ZSCAN25: variants seen among roughly 807,000 people sequenced by gnomAD.
ZSCAN25 encodes the protein zinc finger and SCAN domain containing 25.
In ZSCAN25, 27 loss-of-function variants were observed where a neutral mutation model predicts 38.7. The observed-to-expected ratio is 0.70, with a 90% CI of 0.51 to 0.96. The LOEUF (loss-of-function observed/expected upper bound fraction) is 0.96, where lower values mean the gene tolerates loss of function less well. Ranked by LOEUF, ZSCAN25 falls within the 40% of genes least tolerant of loss-of-function variation. The pLI is 0.00. For missense variants in ZSCAN25, 637 were observed against 705.9 expected (o/e 0.90, Z 1.11); for synonymous variants, 273 against 277.7 (o/e 0.98, Z 0.17).
the ZSCAN25 span, among the ~76,000 whole-genome samples, chr7:99,678,777 G>A: frequency 4.6e-5 from 7 of 152,232 alleles, no homozygotes; most frequent in Non-Finnish European, 8.8e-5. Flanking sequence ...TTCTGTGAAA[G>A]AATTAAAATG....
the ZSCAN25 span, chr7:99,677,166 T>G: frequency 3.0e-6 from 3 of 985,428 alleles, no homozygotes; most frequent in African/African-American, 1.7e-5. Flanking sequence ...ATGAGTCATG[T>G]GCAAACTCCT....
At chr7:99,622,409 A>T in intron 5 of ZSCAN25, 140 bp from the exon 6 acceptor site, 2 of 802,322 alleles carry the variant, frequency 2.5e-6, no homozygotes, top group Non-Finnish European at 4.3e-6. Context: ...AAAGTGTGGT[A>T]CCAGAGTGAA....
the ZSCAN25 span, among the ~76,000 whole-genome samples, chr7:99,684,638 C>T: frequency 6.6e-6 from 1 of 152,120 alleles, no homozygotes; most frequent in African/African-American, 2.4e-5. Context: ...TCATTCAGTT[C>T]TATAGATTTC....
chr7:99,705,567 A>C, the ZSCAN25 span: 14 of 1,613,724 alleles, frequency 8.7e-6, no homozygotes, highest in Non-Finnish European at 1.2e-5. Flanking sequence ...TGTTAGAAGA[A>C]GTCCTCCAAA....
chr7:99,736,267 A>G, the ZSCAN25 span, among the ~76,000 whole-genome samples: 1 of 152,194 alleles, frequency 6.6e-6, no homozygotes, highest in African/African-American at 2.4e-5. Context: ...GACCCAAACC[A>G]CCTCAGCCAG....
At chr7:99,710,710 T>C in the ZSCAN25 span, 1 of 1,613,710 alleles carries the variant, frequency 6.2e-7, no homozygotes, top group Non-Finnish European at 8.5e-7. Flanking sequence ...CCTCCCTCCT[T>C]CTCCATGTAC....
chr7:99,716,043 C>G, the ZSCAN25 span: 1 of 1,538,436 alleles, frequency 6.5e-7, no homozygotes, highest in Non-Finnish European at 8.9e-7. Context: ...ACTGGAGCAT[C>G]TCCCATCACA....
rs1482633949 is a variant in ZSCAN25 at position 99,629,633 on chromosome 7, C to T, written c.1248C>T (p.His416=). The change falls in exon 8 of 8, where the codon CAC becomes CAT. Residue 416 remains histidine, a synonymous_variant. Transcript: ENST00000394152. The surrounding 1 kb of genome is among the most constrained non-coding windows in gnomAD (Gnocchi z 5.6). ...GCTGGAAAACCTTCAGCCAGAGACA[C>T]CACCTGGAGGTGCACCAGCGCAGCC... ...SECWKTFSQR[H]HLEVHQRSHT... 1.2e-6 allele frequency: 2 copies of T among 1,614,004 alleles called. No homozygotes were observed. Among genetic ancestry groups the T allele is most frequent in the Non-Finnish European group, 1.7e-6 (2 of 1,180,048 alleles).
the ZSCAN25 span, chr7:99,679,943 T>C: frequency 6.5e-7 from 1 of 1,536,052 alleles, no homozygotes; most frequent in Non-Finnish European, 9.0e-7. Context: ...TCCTTTTAGC[T>C]GAGTGCTGCT....
At chr7:99,705,101 A>G in the ZSCAN25 span, 180 of 206,336 alleles carry the variant, frequency 8.7e-4, no homozygotes, top group Middle Eastern at 2.0e-3. Context: ...TACTACAGAT[A>G]TAACACATGA....
the ZSCAN25 span, chr7:99,705,448 G>A: frequency 1.3e-6 from 2 of 1,585,336 alleles, no homozygotes; most frequent in Non-Finnish European, 1.7e-6. Context: ...GAGGTCTCTG[G>A]TGTTCTGGGG....
At chr7:99,689,333 A>G in the ZSCAN25 span, among the ~76,000 whole-genome samples, 1 of 152,214 alleles carries the variant, frequency 6.6e-6, no homozygotes, top group African/African-American at 2.4e-5. Flanking sequence ...GACAAAGGGG[A>G]TATCACCACC....
At chr7:99,624,379 A>G (rs538693905) in intron 7 of ZSCAN25, 199 bp downstream of exon 7, 15 of 618,490 alleles carry the variant, frequency 2.4e-5, no homozygotes, top group African/African-American at 2.4e-4. Context: ...GCAGGAAAAC[A>G]TGAGGCCATT....
chr7:99,673,486 G>A, the ZSCAN25 span, among the ~76,000 whole-genome samples: 2 of 152,168 alleles, frequency 1.3e-5, no homozygotes, highest in Non-Finnish European at 2.9e-5. Flanking sequence ...AAGTGCAATG[G>A]TATAAACCAA....
chr7:99,620,095 GCCGC>G (rs1288353107), intron 4 of ZSCAN25, 102 bp downstream of exon 4: 48 of 1,430,292 alleles, frequency 3.4e-5, no homozygotes, highest in Non-Finnish European at 4.3e-5. Flanking sequence ...GAGGTGTGGA[GCCGC>G]CCTCCTCTGC....
At chr7:99,718,498 T>C in the ZSCAN25 span, among the ~76,000 whole-genome samples, 7 of 152,186 alleles carry the variant, frequency 4.6e-5, no homozygotes, top group African/African-American at 1.4e-4. Context: ...AGTACTCTTT[T>C]ATGTTAAAAA....
the ZSCAN25 span, chr7:99,707,805 G>T: frequency 6.2e-7 from 1 of 1,613,660 alleles, no homozygotes. Context: ...GCAGAAAATT[G>T]ACTGACCTGT....
At chr7:99,720,176 TG>T in the ZSCAN25 span, 2 of 1,034,142 alleles carry the variant, frequency 1.9e-6, no homozygotes, top group Non-Finnish European at 2.9e-6. Flanking sequence ...GATGTTACCA[TG>T]GGGGATGGGC....
the ZSCAN25 span, among the ~76,000 whole-genome samples, chr7:99,709,957 C>A: frequency 6.6e-6 from 1 of 152,148 alleles, no homozygotes; most frequent in African/African-American, 2.4e-5. Context: ...GTTATCAGAG[C>A]ATGTGATTTC....
Sources: allele counts gnomAD v4.1 joint callset (sites outside exome capture counted in the v4.1 genomes callset), GRCh38; gene constraint gnomAD v4.1.1; non-coding constraint Gnocchi (gnomAD v3.1); transcripts MANE v1.5; gene names NCBI Gene and HGNC (gene_info 2026-07-23, HGNC 2026-07-21).